The following MCM9 variants were observed in gnomAD, a reference collection of about 807,000 sequenced individuals.
The protein encoded by MCM9 is DNA helicase MCM9.
MCM9 carries 55 observed loss-of-function variants against 72.8 expected under a neutral mutation model. That is an observed-to-expected ratio of 0.76 (90% CI 0.61 to 0.95). The LOEUF (loss-of-function observed/expected upper bound fraction) is 0.95, where lower values mean the gene tolerates loss of function less well. Among genes scored for constraint, MCM9 ranks in the 40% least tolerant of loss-of-function variants. The pLI is 0.00. For missense variants in MCM9, 1,279 were observed against 1,377.0 expected, an observed-to-expected ratio of 0.93 and a Z score of 1.13; for synonymous variants, 480 against 503.4, an observed-to-expected ratio of 0.95 and a Z score of 0.62.
intron 13 of MCM9, among the ~76,000 whole-genome samples, chr6:118,821,209 T>G (rs1400780266): frequency 6.6e-6 from 1 of 152,230 alleles, no homozygotes; most frequent in East Asian, 1.9e-4. Flanking sequence ...ATGCAGTTTC[T>G]TCATAGCATC....
intron 3 of MCM9, among the ~76,000 whole-genome samples, chr6:118,929,435 A>G (rs1011422237): frequency 7.2e-5 from 11 of 152,204 alleles, no homozygotes; most frequent in African/African-American, 2.7e-4. Flanking sequence ...CCAAGATCCT[A>G]GCAAATGCCT....
intron 9 of MCM9, among the ~76,000 whole-genome samples, chr6:118,847,487 C>T (rs535728637): frequency 1.4e-5 from 2 of 144,330 alleles, no homozygotes; most frequent in South Asian, 2.2e-4. Flanking sequence ...ACCGACAGGA[C>T]TGAAAATATA....
chr6:118,842,095 A>T (rs1205560917), intron 9 of MCM9, among the ~76,000 whole-genome samples: 2 of 152,180 alleles, frequency 1.3e-5, no homozygotes, highest in Non-Finnish European at 2.9e-5. Context: ...TGCCTCACAA[A>T]GTGCTGGCAT....
intron 6 of MCM9, among the ~76,000 whole-genome samples, chr6:118,915,804 T>A (rs1254080881): frequency 6.6e-6 from 1 of 152,210 alleles, no homozygotes; most frequent in East Asian, 1.9e-4. Flanking sequence ...ATCTTCCTAC[T>A]TATATTTCTC....
At chr6:118,850,757 G>C (rs1776163805) in intron 9 of MCM9, among the ~76,000 whole-genome samples, 1 of 151,708 alleles carries the variant, frequency 6.6e-6, no homozygotes, top group Admixed American at 6.6e-5. Flanking sequence ...TTCTCTGTAT[G>C]GAAAACACAG....
chr6:118,841,555 T>C (rs1396910704), intron 9 of MCM9, among the ~76,000 whole-genome samples: 1 of 152,208 alleles, frequency 6.6e-6, no homozygotes, highest in Non-Finnish European at 1.5e-5. Flanking sequence ...GTTTTGACAA[T>C]GCAGATTCCC....
At chr6:118,917,476 T>C in intron 6 of MCM9, 85 bp downstream of exon 6, 1 of 1,315,880 alleles carries the variant, frequency 7.6e-7, no homozygotes. Flanking sequence ...ATGCGGCATA[T>C]AAGACTGTCA....
intron 8 of MCM9, chr6:118,901,096 G>A (rs1189320111): frequency 4.4e-5 from 20 of 455,478 alleles, no homozygotes; most frequent in African/African-American, 5.9e-5. Context: ...TTAATGTGAC[G>A]TTTACTTTAG....
intron 9 of MCM9, among the ~76,000 whole-genome samples, chr6:118,851,029 C>T (rs1353650451): frequency 6.6e-6 from 1 of 151,540 alleles, no homozygotes; most frequent in Non-Finnish European, 1.5e-5. Flanking sequence ...CCATCTTGCT[C>T]AGTCTGGTCT....
intron 9 of MCM9, among the ~76,000 whole-genome samples, chr6:118,850,766 A>G (rs1195902860): frequency 2.0e-5 from 3 of 151,892 alleles, no homozygotes; most frequent in African/African-American, 7.3e-5. Flanking sequence ...TGGAAAACAC[A>G]GAACCGAATA....
chr6:118,869,378 G>A (rs1777433010), intron 8 of MCM9, among the ~76,000 whole-genome samples: 1 of 151,964 alleles, frequency 6.6e-6, no homozygotes, highest in African/African-American at 2.4e-5. Context: ...CCTGCACGTT[G>A]TGCACATGTA....
intron 9 of MCM9, among the ~76,000 whole-genome samples, chr6:118,853,672 G>A (rs1394646240): frequency 6.6e-6 from 1 of 152,112 alleles, no homozygotes; most frequent in Non-Finnish European, 1.5e-5. Flanking sequence ...AGGCATAGTG[G>A]TGCGTCCCCG....
intron 2 of MCM9, 46 bp downstream of exon 2, chr6:118,932,561 T>C (rs1782531948): frequency 3.1e-6 from 3 of 958,190 alleles, no homozygotes; most frequent in Non-Finnish European, 3.7e-6. Context: ...TCTTTAGTTA[T>C]ACACACACAC....
rs1773353741 is a variant in MCM9, at chr6:118,815,494, G to A, written c.2762C>T (p.Ala921Val). The A allele has an allele frequency of 6.5e-7, 1 of 1,547,262 alleles. No individual in the cohort carries two copies. The highest frequency in any genetic ancestry group is 8.7e-7 in the Non-Finnish European group (1 of 1,145,896). ...KPPGSPVAKL[A>V]KFTFKQKSKL... Reference sequence around the variant, plus strand: ...TGACTTCTGCTTGAAAGTAAATTTTGCCAGTTTGGCCACAGGGGAACCTGG... The same window carrying A: ...TGACTTCTGCTTGAAAGTAAATTTTACCAGTTTGGCCACAGGGGAACCTGG... Residue 921 changes from alanine to valine, a missense_variant, in exon 14 of 14, where the codon GCA becomes GTA. Transcript: ENST00000619706.
At chr6:118,843,615 T>A (rs1201207422) in intron 9 of MCM9, among the ~76,000 whole-genome samples, 2 of 138,168 alleles carry the variant, frequency 1.4e-5, no homozygotes, top group African/African-American at 2.8e-5. Context: ...TGAAATTCTG[T>A]CTCAAAAAAA....
intron 13 of MCM9, among the ~76,000 whole-genome samples, chr6:118,820,624 G>C (rs1006426635): frequency 1.3e-5 from 2 of 152,170 alleles, no homozygotes; most frequent in African/African-American, 4.8e-5. Context: ...GAGTTCTGTA[G>C]ATGTCTATTA....
chr6:118,930,534 T>C lies in MCM9; in HGVS notation c.304+886A>G, dbSNP rs550555079. On this transcript the variant is annotated intron_variant, in intron 3 of 13. Coordinates refer to ENST00000619706, the MANE Select transcript of MCM9 (RefSeq NM_017696.3). The stretch of plus-strand genomic sequence containing the variant: ...CTTTCTTTCATGTAAATAGAATTAA[T>C]TTGTACCAGCCTTTATTAATTTATA... Among the ~76,000 whole-genome samples the C allele has an allele frequency of 1.8e-4, 28 of 152,370 alleles. No individual in the cohort carries two copies. In the East Asian group the frequency reaches 5.0e-3, roughly 27 times the overall value.
chr6:118,829,352 A>G, intron 9 of MCM9, 102 bp from the exon 10 acceptor site: 1 of 1,058,948 alleles, frequency 9.4e-7, no homozygotes, highest in South Asian at 1.8e-5. Context: ...TTGAAAATCT[A>G]CGAACTCCTA....
intron 8 of MCM9, chr6:118,901,136 A>C (rs1779774764): frequency 3.1e-6 from 1 of 323,414 alleles, no homozygotes; most frequent in African/African-American, 2.1e-5. Flanking sequence ...TAAATTTTAT[A>C]CTGTATCATG....
Sources: allele counts gnomAD v4.1 joint callset (sites outside exome capture counted in the v4.1 genomes callset), GRCh38; gene constraint gnomAD v4.1.1; transcripts MANE v1.5; gene names NCBI Gene and HGNC (gene_info 2026-07-23, HGNC 2026-07-21).